The following CSMD1 variants were observed in gnomAD, a reference collection of about 807,000 sequenced individuals.
The protein encoded by CSMD1 is CUB and sushi domain-containing protein 1.
A neutral mutation model predicts 417.5 loss-of-function variants in CSMD1; 213 were observed. The observed-to-expected ratio is 0.51, with a 90% CI of 0.46 to 0.57. The LOEUF is 0.57. CSMD1 is among the 20% of genes least tolerant of loss of function. The pLI is 0.00. For synonymous variants in CSMD1, 2,862 were observed against 1,736.8 expected (o/e 1.65, Z -16.11); for missense variants, 6,923 against 4,529.7 (o/e 1.53, Z -15.17).
intron 1 of CSMD1, among the ~76,000 whole-genome samples, chr8:4,980,384 G>A (rs569952035): frequency 3.3e-5 from 5 of 152,278 alleles, no homozygotes; most frequent in East Asian, 1.9e-4. Flanking sequence ...CAATAGAGGC[G>A]GAGTGAGATG....
intron 3 of CSMD1, among the ~76,000 whole-genome samples, chr8:4,099,676 A>T (rs1334401774): frequency 6.6e-6 from 1 of 151,942 alleles, no homozygotes; most frequent in African/African-American, 2.4e-5. Context: ...TTATTTAAAT[A>T]CAAACAAACA....
intron 5 of CSMD1, among the ~76,000 whole-genome samples, chr8:3,800,002 T>C (rs1800370782): frequency 6.6e-6 from 1 of 152,224 alleles, no homozygotes; most frequent in Non-Finnish European, 1.5e-5. Flanking sequence ...ACTATTTGTG[T>C]AACCTTGTAA....
chr8:3,780,917 A>G (rs1799143484), intron 5 of CSMD1, among the ~76,000 whole-genome samples: 1 of 152,240 alleles, frequency 6.6e-6, no homozygotes, highest in African/African-American at 2.4e-5. Context: ...GAATTTAGGT[A>G]AGACCATGGC....
chr8:4,176,147 G>A (rs948662820), intron 3 of CSMD1, among the ~76,000 whole-genome samples: 5 of 151,980 alleles, frequency 3.3e-5, no homozygotes, highest in Non-Finnish European at 5.9e-5. Context: ...TTATAGGGGT[G>A]GAAAAGAGAC....
chr8:4,816,517 C>A (rs879862247), intron 1 of CSMD1, among the ~76,000 whole-genome samples: 1 of 152,076 alleles, frequency 6.6e-6, no homozygotes, highest in Admixed American at 6.6e-5. Flanking sequence ...TGTGAGCCAC[C>A]ATGCGCAGCC....
At chr8:4,640,538 C>T (rs1032702134) in intron 1 of CSMD1, among the ~76,000 whole-genome samples, 1 of 152,070 alleles carries the variant, frequency 6.6e-6, no homozygotes, top group Non-Finnish European at 1.5e-5. Flanking sequence ...CTCTAATGGG[C>T]CCTTGCCTAC....
intron 1 of CSMD1, among the ~76,000 whole-genome samples, chr8:4,919,868 C>G (rs904861654): frequency 2.0e-5 from 3 of 152,076 alleles, no homozygotes; most frequent in Admixed American, 1.3e-4. Context: ...GAAGGGAGAG[C>G]ATTCCTTCCC....
At chr8:4,806,406 T>C (rs1014565405) in intron 1 of CSMD1, among the ~76,000 whole-genome samples, 2 of 152,120 alleles carry the variant, frequency 1.3e-5, no homozygotes, top group African/African-American at 4.8e-5. Flanking sequence ...GCAAAGTTCT[T>C]TGCCATAAAA....
chr8:4,261,522 T>A (rs139932828), intron 3 of CSMD1, among the ~76,000 whole-genome samples: 100 of 152,310 alleles, frequency 6.6e-4, no homozygotes, highest in African/African-American at 2.3e-3. Context: ...ACTGTTATTA[T>A]ATACTTGAAA....
chr8:4,799,460 G>T (rs1258898878), intron 1 of CSMD1, among the ~76,000 whole-genome samples: 3 of 151,874 alleles, frequency 2.0e-5, no homozygotes, highest in Admixed American at 2.0e-4. Flanking sequence ...AGCCAGGCGC[G>T]TAATGGTGTG....
chr8:3,792,189 G>C (rs939577802), intron 5 of CSMD1, among the ~76,000 whole-genome samples: 6 of 152,014 alleles, frequency 3.9e-5, no homozygotes, highest in African/African-American at 9.7e-5. Flanking sequence ...AGCTACAGGG[G>C]AGGCTGAGAT....
intron 5 of CSMD1, among the ~76,000 whole-genome samples, chr8:3,813,750 G>A (rs1169397690): frequency 3.9e-5 from 6 of 152,306 alleles, no homozygotes; most frequent in Non-Finnish European, 8.8e-5. Context: ...CTGGAGGTAT[G>A]AGGGATCAAG....
rs186210160 is a variant in CSMD1 at position 4,134,967 on chromosome 8, C to T, written c.416-102868G>A. ...ACCAACACATCTGTTGTATACTAGGCAGGCTCAGCTTAGTGTCTGGGTTCT... is the reference window on the plus strand; with the variant it reads ...ACCAACACATCTGTTGTATACTAGGTAGGCTCAGCTTAGTGTCTGGGTTCT... On this transcript the variant is annotated intron_variant, in intron 3 of 69. Transcript: ENST00000635120. Among the ~76,000 whole-genome samples the T allele has an allele frequency of 1.8e-3, 275 of 152,262 alleles. 2 individuals carry two copies. The highest frequency in any genetic ancestry group is 0.017 in the Admixed American group (259 of 15,298).
chr8:4,383,489 G>C (rs1803240875), intron 3 of CSMD1, among the ~76,000 whole-genome samples: 1 of 152,146 alleles, frequency 6.6e-6, no homozygotes, highest in African/African-American at 2.4e-5. Context: ...TCTGTCGTCT[G>C]TAATTTTATT....
chr8:3,647,380 A>G (rs1797628430), intron 7 of CSMD1, among the ~76,000 whole-genome samples: 1 of 20,430 alleles, frequency 4.9e-5, no homozygotes, highest in Non-Finnish European at 8.7e-5. Flanking sequence ...AATACAGCAT[A>G]GAAAGAAATA....
intron 1 of CSMD1, among the ~76,000 whole-genome samples, chr8:4,757,591 G>C (rs1045406997): frequency 6.6e-6 from 1 of 152,124 alleles, no homozygotes; most frequent in African/African-American, 2.4e-5. Flanking sequence ...TAGCCTACAG[G>C]AGACATATCT....
At chr8:4,130,698 G>A (rs10099471) in intron 3 of CSMD1, among the ~76,000 whole-genome samples, 32 of 149,598 alleles carry the variant, frequency 2.1e-4, no homozygotes, top group African/African-American at 6.2e-4. Flanking sequence ...GAATTTTGGA[G>A]GGGAGTAGAT....
At chr8:3,675,176 A>C (rs539912282) in intron 7 of CSMD1, among the ~76,000 whole-genome samples, 2 of 152,152 alleles carry the variant, frequency 1.3e-5, no homozygotes, top group East Asian at 3.9e-4. Context: ...TTTCCCCACT[A>C]GTGGCTCCTT....
chr8:3,876,392 C>A (rs903086635), intron 5 of CSMD1, among the ~76,000 whole-genome samples: 12 of 152,144 alleles, frequency 7.9e-5, no homozygotes, highest in African/African-American at 2.9e-4. Flanking sequence ...ATAAACTTTC[C>A]TGTATTTCTA....
Sources: gnomAD v4.1 joint callset for allele counts (sites outside exome capture counted in the v4.1 genomes callset) on GRCh38, gnomAD v4.1.1 for gene constraint, MANE v1.5 for transcripts, NCBI Gene and HGNC (gene_info 2026-07-23, HGNC 2026-07-21) for gene names.